The following ANKS1B variants were observed in gnomAD, a reference collection of about 807,000 sequenced individuals.
ANKS1B encodes ankyrin repeat and sterile alpha motif domain containing 1B, also known as ankyrin repeat and sterile alpha motif domain-containing protein 1B.
A neutral mutation model predicts 148.3 loss-of-function variants in ANKS1B; 36 were observed. The ratio of observed to expected loss-of-function variants is 0.24; its 90% CI spans 0.19 to 0.32. The LOEUF is 0.32. ANKS1B is among the 10% of genes least tolerant of loss of function. The probability of loss-of-function intolerance (pLI) is 1.00; values close to 1 mark genes in which losing one functional copy is unlikely to be tolerated. For missense variants in ANKS1B, 1,157 were observed against 1,542.6 expected, an observed-to-expected ratio of 0.75 and a Z score of 4.19; for synonymous variants, 542 against 560.8, an observed-to-expected ratio of 0.97 and a Z score of 0.47.
At chr12:99,572,361 C>G (rs2097465880) in intron 9 of ANKS1B, among the ~76,000 whole-genome samples, 1 of 151,630 alleles carries the variant, frequency 6.6e-6, no homozygotes, top group African/African-American at 2.4e-5. Context: ...TGTTTTTCTC[C>G]CATACTACAT....
At chr12:98,942,993 T>C (rs1216081303) in intron 17 of ANKS1B, among the ~76,000 whole-genome samples, 3 of 152,104 alleles carry the variant, frequency 2.0e-5, no homozygotes, top group African/African-American at 7.2e-5. Context: ...TCTTAAAAAA[T>C]AGACAAGATT....
chr12:99,146,233 T>C (rs373797083), intron 15 of ANKS1B, among the ~76,000 whole-genome samples: 1 of 152,262 alleles, frequency 6.6e-6, no homozygotes, highest in African/African-American at 2.4e-5. Context: ...CTAAGGAATT[T>C]ACTTTCTGTT....
intron 12 of ANKS1B, among the ~76,000 whole-genome samples, chr12:99,357,854 G>C (rs565844942): frequency 1.3e-5 from 2 of 152,104 alleles, no homozygotes; most frequent in East Asian, 3.9e-4. Context: ...TACATGATAA[G>C]AATGCCCTTC....
chr12:98,783,676 A>G (rs1341612683), intron 22 of ANKS1B, among the ~76,000 whole-genome samples: 2 of 152,192 alleles, frequency 1.3e-5, no homozygotes, highest in African/African-American at 2.4e-5. Context: ...CAACAGAACT[A>G]ATACATGCAC....
chr12:99,148,425 T>C (rs548815584), intron 15 of ANKS1B, among the ~76,000 whole-genome samples: 18 of 152,180 alleles, frequency 1.2e-4, no homozygotes, highest in African/African-American at 4.3e-4. Context: ...ATTTTTTTTT[T>C]TTTCTGAAAG....
At chr12:99,403,817 T>C (rs2094469218) in intron 11 of ANKS1B, among the ~76,000 whole-genome samples, 1 of 146,066 alleles carries the variant, frequency 6.8e-6, no homozygotes, top group Non-Finnish European at 1.5e-5. Flanking sequence ...GCAATCTAAT[T>C]ACTGGGTATA....
intron 26 of ANKS1B, among the ~76,000 whole-genome samples, chr12:98,747,249 AAAAC>A (rs2097915649): frequency 6.6e-6 from 1 of 152,220 alleles, no homozygotes; most frequent in Admixed American, 6.5e-5. Context: ...AACAAAAACA[AAAAC>A]AAAACCAACT....
intron 12 of ANKS1B, among the ~76,000 whole-genome samples, chr12:99,378,847 T>C (rs1246616995): frequency 6.6e-6 from 1 of 152,094 alleles, no homozygotes; most frequent in African/African-American, 2.4e-5. Context: ...GAGCCAAAAG[T>C]CGTGGCCAAC....
intron 12 of ANKS1B, among the ~76,000 whole-genome samples, chr12:99,251,533 C>A (rs1185538351): frequency 6.6e-6 from 1 of 152,068 alleles, no homozygotes; most frequent in African/African-American, 2.4e-5. Context: ...ATATTTCATG[C>A]CAAGGTACAG....
At chr12:99,171,434 A>G (rs1473941031) in intron 14 of ANKS1B, among the ~76,000 whole-genome samples, 1 of 152,202 alleles carries the variant, frequency 6.6e-6, no homozygotes, top group East Asian at 1.9e-4. Flanking sequence ...GGGGAATGCT[A>G]TAGGTCAACA....
At chr12:98,883,947 T>C (rs553711884) in intron 17 of ANKS1B, among the ~76,000 whole-genome samples, 1 of 152,202 alleles carries the variant, frequency 6.6e-6, no homozygotes, top group Admixed American at 6.5e-5. Context: ...AATAAAGCAC[T>C]GTTTTAAGAT....
chr12:99,526,074 T>G (rs1018834784), intron 9 of ANKS1B, among the ~76,000 whole-genome samples: 3 of 152,126 alleles, frequency 2.0e-5, no homozygotes, highest in African/African-American at 7.2e-5. Flanking sequence ...TCAACTTCAT[T>G]TATAATTAAA....
intron 12 of ANKS1B, among the ~76,000 whole-genome samples, chr12:99,261,979 C>T (rs2075973570): frequency 1.3e-5 from 2 of 152,108 alleles, no homozygotes; most frequent in Non-Finnish European, 2.9e-5. Flanking sequence ...TGACATCCAG[C>T]TATATTGCCT....
chr12:99,191,499 G>A (rs779341850), intron 14 of ANKS1B, among the ~76,000 whole-genome samples: 1 of 152,212 alleles, frequency 6.6e-6, no homozygotes, highest in South Asian at 2.1e-4. Context: ...TATACACCAT[G>A]TAATACTATG....
chr12:99,801,089 A>G (rs959022700), intron 4 of ANKS1B, among the ~76,000 whole-genome samples: 34 of 152,196 alleles, frequency 2.2e-4, no homozygotes, highest in African/African-American at 7.2e-4. Context: ...TGAGTTGAGT[A>G]TATTTCTCTT....
intron 1 of ANKS1B, among the ~76,000 whole-genome samples, chr12:99,835,666 T>G (rs1421386001): frequency 6.6e-6 from 1 of 152,236 alleles, no homozygotes; most frequent in Non-Finnish European, 1.5e-5. Flanking sequence ...CAATTAGGAC[T>G]AGCCACATTT....
intron 14 of ANKS1B, among the ~76,000 whole-genome samples, chr12:99,210,651 A>G (rs999489617): frequency 2.0e-5 from 3 of 152,206 alleles, no homozygotes; most frequent in Non-Finnish European, 1.5e-5. Context: ...GCACATGTAT[A>G]AATATAGAAA....
intron 15 of ANKS1B, among the ~76,000 whole-genome samples, chr12:99,088,316 C>A (rs1449062420): frequency 6.6e-6 from 1 of 152,096 alleles, no homozygotes; most frequent in African/African-American, 2.4e-5. Context: ...CATGGCGGGG[C>A]AAACTTGGCT....
chr12:99,135,894 A>T (rs888185648), intron 15 of ANKS1B, among the ~76,000 whole-genome samples: 4 of 152,170 alleles, frequency 2.6e-5, no homozygotes, highest in Non-Finnish European at 5.9e-5. Context: ...AGCTTCGGAC[A>T]GGAAGACTAA....
Sources: gnomAD v4.1 joint callset for allele counts (sites outside exome capture counted in the v4.1 genomes callset) on GRCh38, gnomAD v4.1.1 for gene constraint, MANE v1.5 for transcripts, NCBI Gene and HGNC (gene_info 2026-07-23, HGNC 2026-07-21) for gene names.